Variants in IL18BP observed in about 807,000 individuals in gnomAD.
IL18BP encodes interleukin-18-binding protein.
In IL18BP, 23 loss-of-function variants were observed where a neutral mutation model predicts 19.9. The ratio of observed to expected loss-of-function variants is 1.15; its 90% CI spans 0.83 to 1.64. The LOEUF (loss-of-function observed/expected upper bound fraction) is 1.64, where lower values mean the gene tolerates loss of function less well. IL18BP is among the 40% of genes most tolerant of loss of function. IL18BP has a pLI of 0.00. For synonymous variants in IL18BP, 107 were observed against 101.0 expected (o/e 1.06, Z -0.35); for missense variants, 239 against 240.7 (o/e 0.99, Z 0.05).
At chr11:72,006,589 C>T (rs1021572514), downstream of IL18BP, among the ~76,000 whole-genome samples, 1 of 152,188 alleles carries the variant, frequency 6.6e-6, no homozygotes, top group Non-Finnish European at 1.5e-5. Context: ...AATCACACTG[C>T]TAGGAAGTAT....
At chr11:72,003,490 GGGGACACAGGTGGGGCCACTCACT>G, downstream of IL18BP, 1 of 1,608,970 alleles carries the variant, frequency 6.2e-7, no homozygotes, top group Non-Finnish European at 8.5e-7. Context: ...GGTCAGCATC[GGGGACACAGGTGGGGCCACTCACT>G]GGTACTGGCC....
In IL18BP at chr11:72,000,556, G is replaced by T; in HGVS notation, c.234G>T (p.Leu78=). The stretch of plus-strand genomic sequence containing the variant: ...CCTGGCCAGAGGTGGAAGTGCCACT[G>T]AGTAAGAAGCACAGTGGTGGAGGGT... The part of the protein sequence containing the change: ...EVTWPEVEVP[L]NGTLSLSCVA... The change falls in exon 3 of 6, where the codon CTG becomes CTT. Residue 78 remains leucine (L), a splice_region_variant and synonymous_variant. Coordinates refer to ENST00000393703, the MANE Select transcript of IL18BP (RefSeq NM_001039660.2). 1 of 1,609,128 alleles carries T rather than the reference G, an allele frequency of 6.2e-7. No individual in the cohort carries two copies.
rs1955331141 is a variant in IL18BP, at chr11:72,002,617, A to G, written c.*756A>G. 1 of 159,422 alleles carries G rather than the reference A, an allele frequency of 6.3e-6. No individual in the cohort carries two copies. Among genetic ancestry groups the G allele is most frequent in the Non-Finnish European group, 1.4e-5 (1 of 72,280 alleles). 9.9% of individuals were successfully genotyped at this position (159,422 alleles called of 1,614,324 possible). On this transcript the variant is annotated 3_prime_UTR_variant, in exon 6 of 6. Transcript: ENST00000393703. ...GGGAGTATGGGAGAGAGGGACTGCCACACAGAAGCTGAAGACAACACCTGC... is the reference window on the plus strand; with the variant it reads ...GGGAGTATGGGAGAGAGGGACTGCCGCACAGAAGCTGAAGACAACACCTGC...
chr11:72,005,968 T>C, downstream of IL18BP: 1 of 1,321,718 alleles, frequency 7.6e-7, no homozygotes. Flanking sequence ...CTTTCCTCTT[T>C]TCCCTGTGCC....
rs1590828540 is a variant in IL18BP, at chr11:72,000,577, AGGGTG to A, written c.235+23_235+27del. 2.8e-5 allele frequency: 45 copies of A among 1,600,092 alleles called. No homozygotes were observed. The highest frequency in any genetic ancestry group is 3.8e-5 in the Non-Finnish European group (45 of 1,175,580). ...CACTGAGTAAGAAGCACAGTGGTGG[AGGGTG>A]GGCTATGGGCACAGAGGTTCCCAGG... On this transcript the variant is annotated intron_variant, in intron 3 of 5. Transcript: ENST00000393703.
At chr11:72,007,074 G>T, downstream of IL18BP, 1 of 1,294,134 alleles carries the variant, frequency 7.7e-7, no homozygotes, top group Non-Finnish European at 1.1e-6. Context: ...CTTTCCCACT[G>T]TAACATGGAC....
At chr11:72,005,107 G>A (rs745711575), downstream of IL18BP, 19 of 1,131,896 alleles carry the variant, frequency 1.7e-5, no homozygotes, top group Non-Finnish European at 2.3e-5. Flanking sequence ...GGAAACATGA[G>A]AAGGTCACCC....
downstream of IL18BP, chr11:72,004,122 C>G (rs776933542): frequency 6.2e-7 from 1 of 1,612,624 alleles, no homozygotes; most frequent in South Asian, 1.1e-5. Flanking sequence ...GCTGTCAGAC[C>G]GGGAGACCCA....
chr11:72,007,792 C>T, downstream of IL18BP: 1 of 372,854 alleles, frequency 2.7e-6, no homozygotes. Flanking sequence ...ACTCAGGCCC[C>T]CAAGCCATGA....
At chr11:72,007,433 T>A (rs1955811830), downstream of IL18BP, 1 of 1,613,260 alleles carries the variant, frequency 6.2e-7, no homozygotes, top group Non-Finnish European at 8.5e-7. Context: ...ACGAGGCAGC[T>A]TGCTATGGAA....
At chr11:72,005,528 G>C, downstream of IL18BP, 2 of 643,116 alleles carry the variant, frequency 3.1e-6, no homozygotes, top group South Asian at 4.0e-5. Flanking sequence ...ACGGCACACA[G>C]ACTATTTCTA....
At chr11:72,005,561 T>A (rs1165487995), downstream of IL18BP, 2 of 571,004 alleles carry the variant, frequency 3.5e-6, no homozygotes, top group African/African-American at 1.9e-5. Flanking sequence ...GCTCACCACC[T>A]TCTCCCTGGA....
downstream of IL18BP, chr11:72,007,123 G>C (rs1417212094): frequency 4.4e-6 from 7 of 1,579,376 alleles, no homozygotes; most frequent in East Asian, 1.3e-4. Context: ...TGAGTGCCCA[G>C]TGCAAAGATG....
At chr11:71,999,404 C>A (rs1205329889) in intron 1 of IL18BP, 3 of 246,194 alleles carry the variant, frequency 1.2e-5, no homozygotes, top group African/African-American at 4.6e-5. Context: ...CCCTAGGTGA[C>A]CCTGGGGGTG....
At chr11:72,003,691 C>G (rs918751566), downstream of IL18BP, 7 of 1,065,556 alleles carry the variant, frequency 6.6e-6, no homozygotes, top group Non-Finnish European at 9.9e-6. Flanking sequence ...GCCTGAGCAG[C>G]TCTGGGTGCT....
At chr11:71,999,651 C>A in intron 1 of IL18BP, 1 of 326,426 alleles carries the variant, frequency 3.1e-6, no homozygotes, top group Non-Finnish European at 5.8e-6. Flanking sequence ...CACTGCCTCC[C>A]TGTGTGACTG....
downstream of IL18BP, chr11:72,003,130 C>T: frequency 3.6e-6 from 1 of 274,908 alleles, no homozygotes; most frequent in Non-Finnish European, 7.0e-6. Context: ...CTGCTGGGCC[C>T]AGCCACCAGG....
At chr11:72,004,232 G>A (rs776029699), downstream of IL18BP, 3 of 1,610,906 alleles carry the variant, frequency 1.9e-6, no homozygotes, top group Non-Finnish European at 2.5e-6. Flanking sequence ...CACCTGTTTA[G>A]TAGAAGCTGG....
Position 72,001,509 on chromosome 11 carries a change from C to T in IL18BP, c.464C>T (p.Pro155Leu), listed in dbSNP as rs758841734. The T allele has an allele frequency of 7.4e-6, 12 of 1,613,946 alleles. No individual in the cohort carries two copies. Among genetic ancestry groups the T allele is most frequent in the African/African-American group, 1.3e-5 (1 of 75,058 alleles). ...AACTTCTCCTGTGTGCTCGTGGACC[C>T]TGAACAGGTTGTCCAGCGTCACGTC... ...STNFSCVLVDPEQVVQRHVVL... is the reference protein window; with the variant it reads ...STNFSCVLVDLEQVVQRHVVL... Residue 155 changes from proline to leucine, a missense_variant, in exon 5 of 6, where the codon CCT becomes CTT. Transcript: ENST00000393703.
Sources: gnomAD v4.1 joint callset for allele counts (sites outside exome capture counted in the v4.1 genomes callset) on GRCh38, gnomAD v4.1.1 for gene constraint, MANE v1.5 for transcripts, NCBI Gene and HGNC (gene_info 2026-07-23, HGNC 2026-07-21) for gene names.